The following KIRREL3 variants were observed in gnomAD, a reference collection of about 807,000 sequenced individuals.
KIRREL3 encodes the protein kin of IRRE-like protein 3.
Under a neutral mutation model 89.7 loss-of-function variants are expected in KIRREL3, and 36 were observed. That is an observed-to-expected ratio of 0.40 (90% CI 0.31 to 0.53). The LOEUF (loss-of-function observed/expected upper bound fraction) is 0.53. Among genes scored for constraint, KIRREL3 ranks in the 20% least tolerant of loss-of-function variants. KIRREL3 has a pLI of 0.49. For missense variants in KIRREL3, 864 were observed against 1,056.6 expected (o/e 0.82, Z 2.53); for synonymous variants, 445 against 441.4 (o/e 1.01, Z -0.10).
intron 1 of KIRREL3, among the ~76,000 whole-genome samples, chr11:126,834,679 G>A (rs568583359): frequency 8.5e-5 from 13 of 152,354 alleles, no homozygotes; most frequent in African/African-American, 3.1e-4. Flanking sequence ...CAGAACAGGA[G>A]TCTCAGCAAC....
chr11:126,720,206 G>C (rs2134167617), intron 1 of KIRREL3, among the ~76,000 whole-genome samples: 1 of 152,332 alleles, frequency 6.6e-6, no homozygotes, highest in African/African-American at 2.4e-5. Flanking sequence ...GAGGGCAGGG[G>C]CTTAATGTGT....
chr11:126,733,093 C>CAATT (rs1948687574), intron 1 of KIRREL3, among the ~76,000 whole-genome samples: 1 of 152,180 alleles, frequency 6.6e-6, no homozygotes, highest in African/African-American at 2.4e-5. Context: ...TGCAACCCTC[C>CAATT]AATTCAAAAG....
rs1207200600 is a variant in KIRREL3 at position 126,651,317 on chromosome 11, C to T, written c.56-88405G>A. 2.0e-5 allele frequency among the ~76,000 whole-genome samples: 3 copies of T among 152,206 alleles called. No individual in the cohort carries two copies. Among genetic ancestry groups the T allele is most frequent in the Non-Finnish European group, 4.4e-5 (3 of 68,042 alleles). On this transcript the variant is annotated intron_variant, in intron 1 of 16. Coordinates refer to ENST00000525144, the MANE Select transcript of KIRREL3 (RefSeq NM_032531.4). The surrounding 1 kb of genome is among the most constrained non-coding windows in gnomAD (Gnocchi z 4.6). The stretch of plus-strand genomic sequence containing the variant: ...TGATAATTATTCCAACTGGGAATCC[C>T]TCTCCATCTTCCCCAAATCTCACAA...
At chr11:126,774,254 C>A (rs1950105979) in intron 1 of KIRREL3, among the ~76,000 whole-genome samples, 1 of 150,490 alleles carries the variant, frequency 6.6e-6, no homozygotes, top group Admixed American at 6.6e-5. Flanking sequence ...AACTCTAACC[C>A]TGCAGGAAAA....
In KIRREL3 at chr11:126,703,194, C is replaced by A. The variant is rs772259156; in HGVS notation, c.56-140282G>T. Among the ~76,000 whole-genome samples, 3 of 152,216 alleles carry A rather than the reference C, an allele frequency of 2.0e-5. No individual in the cohort carries two copies. Among genetic ancestry groups the A allele is most frequent in the Non-Finnish European group, 4.4e-5 (3 of 68,046 alleles). ...TCCTTCCAGCCGTGCTGCTTCCTGC[C>A]ATTTACTCCATCTGACCTACTTCAC... On this transcript the variant is annotated intron_variant, in intron 1 of 16. Transcript: ENST00000525144. The surrounding 1 kb of genome is among the most constrained non-coding windows in gnomAD (Gnocchi z 4.6).
chr11:126,738,934 G>A (rs921346036), intron 1 of KIRREL3, among the ~76,000 whole-genome samples: 2 of 152,200 alleles, frequency 1.3e-5, no homozygotes, highest in Non-Finnish European at 2.9e-5. Flanking sequence ...AGCATCTTCG[G>A]TGATCAAACT....
Position 126,553,546 on chromosome 11 carries a change from G to A in KIRREL3, c.133+9289C>T, listed in dbSNP as rs1283192958. 2.6e-5 allele frequency among the ~76,000 whole-genome samples: 4 copies of A among 152,170 alleles called. No individual in the cohort carries two copies. The highest frequency in any genetic ancestry group is 6.5e-5 in the Admixed American group (1 of 15,272). ...ATTCAGCCCATCTCTACACTGCTGCGGTGCCTCCATATCTACCCATTTCAT... is the reference window on the plus strand; with the variant it reads ...ATTCAGCCCATCTCTACACTGCTGCAGTGCCTCCATATCTACCCATTTCAT... On this transcript the variant is annotated intron_variant, in intron 2 of 16. Coordinates refer to ENST00000525144, the MANE Select transcript of KIRREL3 (RefSeq NM_032531.4). The surrounding 1 kb of genome is among the most constrained non-coding windows in gnomAD (Gnocchi z 4.7).
rs946211750 is a variant in KIRREL3 at position 126,750,373 on chromosome 11, C to T, written c.56-187461G>A. Among the ~76,000 whole-genome samples, 6 of 152,194 alleles carry T rather than the reference C, an allele frequency of 3.9e-5. No homozygotes were observed. The highest frequency in any genetic ancestry group is 5.9e-5 in the Non-Finnish European group (4 of 68,026). On this transcript the variant is annotated intron_variant, in intron 1 of 16. Coordinates refer to ENST00000525144, the MANE Select transcript of KIRREL3 (RefSeq NM_032531.4). This position sits in a 1 kb window ranked among gnomAD's most constrained non-coding sequence, Gnocchi z 4.2. ...GTTGTAAATATGTTTGATGCTCCTACGTGTGGGTGCTCGAAGCCCACAGTG... is the reference window on the plus strand; with the variant it reads ...GTTGTAAATATGTTTGATGCTCCTATGTGTGGGTGCTCGAAGCCCACAGTG...
chr11:126,837,760 A>AT lies in KIRREL3; in HGVS notation c.55+162694dup, dbSNP rs1287091732. ...TGATTAAAGGTGATTTTGTCAAAGC[A>AT]TAACACTACCTCTCACAATGGAAGC... On this transcript the variant is annotated intron_variant, in intron 1 of 16. Transcript: ENST00000525144. This position sits in a 1 kb window ranked among gnomAD's most constrained non-coding sequence, Gnocchi z 4.7. 1.3e-5 allele frequency among the ~76,000 whole-genome samples: 2 copies of AT among 152,250 alleles called. No homozygotes were observed. The highest frequency in any genetic ancestry group is 4.8e-5 in the African/African-American group (2 of 41,464).
At position 126,459,740 on chromosome 11, in the gene KIRREL3, G is replaced by A. The variant is rs534737503; in HGVS notation, c.743-3286C>T. On this transcript the variant is annotated intron_variant, in intron 6 of 16. Transcript: ENST00000525144. The surrounding 1 kb of genome is among the most constrained non-coding windows in gnomAD (Gnocchi z 4.8). ...CGTGTGTGCGTGTGTCCATGTGTGTGTGTTTTCAGGGGAAGTATTACATGG... is the reference window on the plus strand; with the variant it reads ...CGTGTGTGCGTGTGTCCATGTGTGTATGTTTTCAGGGGAAGTATTACATGG... 3.3e-5 allele frequency among the ~76,000 whole-genome samples: 5 copies of A among 152,300 alleles called. No individual in the cohort carries two copies. Among genetic ancestry groups the A allele is most frequent in the African/African-American group, 7.2e-5 (3 of 41,568 alleles).
chr11:126,822,238 G>A (rs980296011), intron 1 of KIRREL3, among the ~76,000 whole-genome samples: 3 of 152,276 alleles, frequency 2.0e-5, no homozygotes, highest in Middle Eastern at 3.4e-3. Context: ...ACATAGTAAG[G>A]GCCCTGGAAG....
At position 126,766,372 on chromosome 11, in the gene KIRREL3, A is replaced by C. The variant is rs191304303; in HGVS notation, c.56-203460T>G. ...AACACTCACTCCTACGCGGAGAAGA[A>C]AAAACTTGGGGAGAGAGGGGTAGAG... On this transcript the variant is annotated intron_variant, in intron 1 of 16. Transcript: ENST00000525144. This position sits in a 1 kb window ranked among gnomAD's most constrained non-coding sequence, Gnocchi z 4.2. Among the ~76,000 whole-genome samples the C allele has an allele frequency of 3.9e-5, 6 of 152,280 alleles. No homozygotes were observed. In the East Asian group the frequency reaches 9.7e-4, roughly 25 times the overall value.
rs930204271 is a variant in KIRREL3, at chr11:126,924,188, C to T, written c.55+76267G>A. 6.6e-6 allele frequency among the ~76,000 whole-genome samples: 1 copy of T among 152,226 alleles called. No homozygotes were observed. The highest frequency in any genetic ancestry group is 2.4e-5 in the African/African-American group (1 of 41,458). On this transcript the variant is annotated intron_variant, in intron 1 of 16. Transcript: ENST00000525144. The surrounding 1 kb of genome is among the most constrained non-coding windows in gnomAD (Gnocchi z 4.7). The stretch of plus-strand genomic sequence containing the variant: ...ATCCTGTCCCCTGGGTTCCTTCCCC[C>T]TTTCCCTGGCTCAGGCCACCATCAC...
rs2134336631 is a variant in KIRREL3 at position 126,491,038 on chromosome 11, T to G, written c.434-17572A>C. Among the ~76,000 whole-genome samples, 1 of 152,190 alleles carries G rather than the reference T, an allele frequency of 6.6e-6. No individual in the cohort carries two copies. ...GGCAGGGCTCTGTCTGGATTTTGGG[T>G]CCATCCCGTAGTGGAAAGGGGTCCT... On this transcript the variant is annotated intron_variant, in intron 4 of 16. Transcript: ENST00000525144. This position sits in a 1 kb window ranked among gnomAD's most constrained non-coding sequence, Gnocchi z 5.5.
intron 7 of KIRREL3, among the ~76,000 whole-genome samples, chr11:126,451,942 C>A (rs1175959372): frequency 6.6e-6 from 1 of 152,170 alleles, no homozygotes; most frequent in Non-Finnish European, 1.5e-5. Flanking sequence ...CCACTGCTCC[C>A]TGGAACTGCA....
rs554573931 is a variant in KIRREL3, at chr11:126,607,946, C to T, written c.56-45034G>A. ...ATCCACCCAGGCACTAGGGCAACTG[C>T]TCAGCCCCATCGCAGCAAGGGCCCG... On this transcript the variant is annotated intron_variant, in intron 1 of 16. Coordinates refer to ENST00000525144, the MANE Select transcript of KIRREL3 (RefSeq NM_032531.4). The surrounding 1 kb of genome is among the most constrained non-coding windows in gnomAD (Gnocchi z 6.6). 2.6e-5 allele frequency among the ~76,000 whole-genome samples: 4 copies of T among 152,312 alleles called. No homozygotes were observed. The South Asian group carries it at 6.2e-4, about 24-fold the overall frequency.
intron 1 of KIRREL3, among the ~76,000 whole-genome samples, chr11:126,942,543 C>T (rs1475379512): frequency 3.9e-5 from 6 of 152,190 alleles, no homozygotes; most frequent in African/African-American, 9.7e-5. Flanking sequence ...CATGTCGTCC[C>T]TGGCTCTTCC....
In KIRREL3 at chr11:126,564,011, C is replaced by A. The variant is rs1427411298; in HGVS notation, c.56-1099G>T. On this transcript the variant is annotated intron_variant, in intron 1 of 16. Transcript: ENST00000525144. This position sits in a 1 kb window ranked among gnomAD's most constrained non-coding sequence, Gnocchi z 7.4. ...CCACCCCACCTTGTAGCATAGAAGTCTTACAAATGTGTCAGCTGCCACAAA... is the reference window on the plus strand; with the variant it reads ...CCACCCCACCTTGTAGCATAGAAGTATTACAAATGTGTCAGCTGCCACAAA... Among the ~76,000 whole-genome samples the A allele has an allele frequency of 2.0e-5, 3 of 152,204 alleles. No homozygotes were observed. The highest frequency in any genetic ancestry group is 4.4e-5 in the Non-Finnish European group (3 of 68,040).
At chr11:126,998,161 A>G (rs1013515615) in intron 1 of KIRREL3, among the ~76,000 whole-genome samples, 3 of 152,246 alleles carry the variant, frequency 2.0e-5, no homozygotes, top group Non-Finnish European at 2.9e-5. Flanking sequence ...ACATGAGCTA[A>G]GCATATATGT....
Sources: gnomAD v4.1 joint callset for allele counts (sites outside exome capture counted in the v4.1 genomes callset) on GRCh38, gnomAD v4.1.1 for gene constraint, Gnocchi (gnomAD v3.1) non-coding constraint, MANE v1.5 for transcripts, NCBI Gene and HGNC (gene_info 2026-07-23, HGNC 2026-07-21) for gene names.